The following SEPTIN10 variants were observed in gnomAD, a reference collection of about 807,000 sequenced individuals.
SEPTIN10 encodes septin 10.
A neutral mutation model predicts 54.8 loss-of-function variants in SEPTIN10; 66 were observed. The observed-to-expected ratio is 1.21, with a 90% CI of 0.99 to 1.48. The LOEUF is 1.48. SEPTIN10 is among the 40% of genes most tolerant of loss of function. The probability of loss-of-function intolerance (pLI) is 0.00; values close to 1 mark genes in which losing one functional copy is unlikely to be tolerated. For synonymous variants in SEPTIN10, 161 were observed against 181.0 expected (o/e 0.89, Z 0.89); for missense variants, 620 against 545.6 (o/e 1.14, Z -1.36).
intron 4 of SEPTIN10, among the ~76,000 whole-genome samples, chr2:109,584,469 T>C (rs1199633546): frequency 1.0e-5 from 1 of 100,176 alleles, no homozygotes; most frequent in South Asian, 3.4e-4. Context: ...AGCGAGACTC[T>C]GTCTCAAAAA....
chr2:109,602,054 A>G (rs1236843032), intron 1 of SEPTIN10, among the ~76,000 whole-genome samples: 1 of 152,162 alleles, frequency 6.6e-6, no homozygotes, highest in Non-Finnish European at 1.5e-5. Flanking sequence ...TCTAACAGAG[A>G]AATGAGCTGC....
rs578089677 is a variant in SEPTIN10, at chr2:109,549,205, A to G, written c.1162-2968T>C. Reference sequence around the variant, plus strand: ...CACACGTGTGCATCGGTGATGTGGGAGAGGAGCAGGAGTGGGACAAAGTCT... The same window carrying G: ...CACACGTGTGCATCGGTGATGTGGGGGAGGAGCAGGAGTGGGACAAAGTCT... On this transcript the variant is annotated intron_variant, in intron 9 of 10. Transcript: ENST00000397712. Among the ~76,000 whole-genome samples the G allele has an allele frequency of 6.9e-4, 105 of 152,336 alleles. 1 individual carries two copies. Among genetic ancestry groups the G allele is most frequent in the African/African-American group, 2.5e-3 (103 of 41,572 alleles).
chr2:109,557,009 C>T (rs896870336), intron 8 of SEPTIN10, among the ~76,000 whole-genome samples: 7 of 151,950 alleles, frequency 4.6e-5, no homozygotes, highest in South Asian at 4.2e-4. Flanking sequence ...CATCACACAC[C>T]GGAGCCTGTT....
chr2:109,569,984 C>T (rs937560222), intron 5 of SEPTIN10, among the ~76,000 whole-genome samples: 1 of 151,720 alleles, frequency 6.6e-6, no homozygotes, highest in Non-Finnish European at 1.5e-5. Context: ...ATGTAGTGCC[C>T]TTGTGTAAGT....
chr2:109,607,447 C>A (rs1246952654), intron 1 of SEPTIN10, among the ~76,000 whole-genome samples: 4 of 152,170 alleles, frequency 2.6e-5, no homozygotes, highest in Non-Finnish European at 4.4e-5. Flanking sequence ...TATTATCTCT[C>A]CCCCTAAAGA....
intron 1 of SEPTIN10, among the ~76,000 whole-genome samples, chr2:109,610,577 G>C (rs1021862006): frequency 6.6e-6 from 1 of 152,042 alleles, no homozygotes; most frequent in African/African-American, 2.4e-5. Context: ...TTAGCCGGGC[G>C]TGGTGGCACA....
At chr2:109,554,660 T>C (rs1683944703) in intron 8 of SEPTIN10, among the ~76,000 whole-genome samples, 1 of 152,194 alleles carries the variant, frequency 6.6e-6, no homozygotes, top group African/African-American at 2.4e-5. Context: ...TCGCCGGGAA[T>C]CAATTTTTTT....
chr2:109,573,964 A>G (rs984674904), intron 5 of SEPTIN10, among the ~76,000 whole-genome samples: 19 of 152,220 alleles, frequency 1.2e-4, no homozygotes, highest in Non-Finnish European at 1.2e-4. Context: ...TAGTGGCATA[A>G]AGTAAAATTA....
intron 9 of SEPTIN10, among the ~76,000 whole-genome samples, chr2:109,547,922 G>C (rs1424229991): frequency 1.3e-5 from 2 of 152,324 alleles, no homozygotes; most frequent in Admixed American, 1.3e-4. Context: ...GTGCAAAAGA[G>C]AAACCCTTAG....
intron 5 of SEPTIN10, among the ~76,000 whole-genome samples, chr2:109,572,285 G>A (rs538706741): frequency 1.4e-4 from 21 of 152,104 alleles, no homozygotes; most frequent in Middle Eastern, 3.4e-3. Context: ...CGCATGCCAC[G>A]ACGCCCGGCT....
intron 4 of SEPTIN10, among the ~76,000 whole-genome samples, chr2:109,577,782 G>C (rs1690048316): frequency 6.6e-6 from 1 of 151,054 alleles, no homozygotes; most frequent in Admixed American, 6.6e-5. Flanking sequence ...GTGGGGTGGT[G>C]TGTGACTGCA....
intron 1 of SEPTIN10, among the ~76,000 whole-genome samples, chr2:109,607,165 A>G (rs1698181304): frequency 6.6e-6 from 1 of 152,232 alleles, no homozygotes; most frequent in African/African-American, 2.4e-5. Context: ...TAAAGGTAGT[A>G]TAAATCATAA....
intron 7 of SEPTIN10, 50 bp downstream of exon 7, chr2:109,565,713 T>G: frequency 1.3e-5 from 19 of 1,453,260 alleles, no homozygotes; most frequent in Non-Finnish European, 1.8e-5. Flanking sequence ...CAGGTAGCTT[T>G]GAGATTACTA....
At position 109,543,530 on chromosome 2, in the gene SEPTIN10, TA is replaced by T. The variant is rs1483018125; in HGVS notation, c.*778del. The T allele has an allele frequency of 6.6e-6, 1 of 152,178 alleles. No homozygotes were observed. The highest frequency in any genetic ancestry group is 1.9e-4 in the East Asian group (1 of 5,204). The allele number at this position is 152,178 out of a possible 1,614,324, so 9.4% of individuals were successfully genotyped here. On this transcript the variant is annotated 3_prime_UTR_variant, in exon 11 of 11. Transcript: ENST00000397712. ...AAATTTTTAAGTTCTATAAAACTATTAAGAGGTTAGAGTTTTAGCTCCATAA... is the reference window on the plus strand; with the variant it reads ...AAATTTTTAAGTTCTATAAAACTATTAGAGGTTAGAGTTTTAGCTCCATAA...
Position 109,585,810 on chromosome 2 carries a change from A to T in SEPTIN10, c.128T>A (p.Met43Lys). 1 of 1,614,016 alleles carries T rather than the reference A, an allele frequency of 6.2e-7. No individual in the cohort carries two copies. The highest frequency in any genetic ancestry group is 8.5e-7 in the Non-Finnish European group (1 of 1,179,908). ...ACTCTCAAAACCAACATGGCCAGAC[A>T]TAGTCAACGAACGAATGTTTTCTCT... The part of the protein sequence containing the change: ...IKRENIRSLT[M>K]SGHVGFESLP... Residue 43 changes from methionine to lysine, a missense_variant, in exon 3 of 11, where the codon ATG (methionine) becomes AAG (lysine). Physicochemically the swap from Met to Lys is moderately conservative, Grantham distance 95 (BLOSUM62 -1). Coordinates refer to ENST00000397712, the MANE Select transcript of SEPTIN10 (RefSeq NM_144710.5).
chr2:109,574,497 A>AAT, intron 5 of SEPTIN10, 84 bp downstream of exon 5: 1 of 850,696 alleles, frequency 1.2e-6, no homozygotes, highest in Non-Finnish European at 1.6e-6. Context: ...TAAAAGTTAC[A>AAT]ATATATATCC....
In SEPTIN10 at chr2:109,610,573, G is replaced by A. The variant is rs558645245; in HGVS notation, c.30+3225C>T. On this transcript the variant is annotated intron_variant, in intron 1 of 10. Transcript: ENST00000397712. ...CTACTAAAAATACAAAAAATTAGCC[G>A]GGCGTGGTGGCACATGCCTGTAATC... is the stretch of plus-strand genomic sequence containing the variant. Among the ~76,000 whole-genome samples the A allele has an allele frequency of 5.9e-5, 9 of 152,196 alleles. 1 individual carries two copies. Among genetic ancestry groups the A allele is most frequent in the African/African-American group, 1.9e-4 (8 of 41,548 alleles).
In SEPTIN10 at chr2:109,544,260, A is replaced by T. The variant is rs1287759253; in HGVS notation, c.*49T>A. 6.2e-6 allele frequency: 10 copies of T among 1,612,578 alleles called. No individual in the cohort carries two copies. The Admixed American group carries it at 1.5e-4, about 24-fold the overall frequency. ...CAAAGCACACTTCTAGTTTTTTTTT[A>T]ATAAAGTTTGCTTGTGATGATGACC... On this transcript the variant is annotated 3_prime_UTR_variant, in exon 11 of 11. Coordinates refer to ENST00000397712, the MANE Select transcript of SEPTIN10 (RefSeq NM_144710.5).
intron 1 of SEPTIN10, among the ~76,000 whole-genome samples, chr2:109,605,151 T>C (rs1374774602): frequency 6.6e-6 from 1 of 152,190 alleles, no homozygotes; most frequent in Non-Finnish European, 1.5e-5. Context: ...TCTACACTGA[T>C]AAGAGCATTA....
Sources: gnomAD v4.1 joint callset for allele counts (sites outside exome capture counted in the v4.1 genomes callset) on GRCh38, gnomAD v4.1.1 for gene constraint, MANE v1.5 for transcripts, NCBI Gene and HGNC (gene_info 2026-07-23, HGNC 2026-07-21) for gene names.